JAKMIP3: variants seen among roughly 807,000 people sequenced by gnomAD.
JAKMIP3 encodes the protein janus kinase and microtubule-interacting protein 3.
A neutral mutation model predicts 118.5 loss-of-function variants in JAKMIP3; 58 were observed. The observed-to-expected ratio is 0.49, with a 90% CI of 0.40 to 0.61. JAKMIP3 has a LOEUF of 0.61. JAKMIP3 is among the 20% of genes least tolerant of loss of function. JAKMIP3 has a pLI of 0.00. For missense variants in JAKMIP3, 950 were observed against 1,109.0 expected (o/e 0.86, Z 2.04); for synonymous variants, 486 against 451.2 (o/e 1.08, Z -0.98).
chr10:132,092,106 C>A (rs2043169193), intron 1 of JAKMIP3, among the ~76,000 whole-genome samples: 1 of 152,184 alleles, frequency 6.6e-6, no homozygotes, highest in Non-Finnish European at 1.5e-5. Flanking sequence ...CCACTCTCTT[C>A]TGGCTTGTAG....
chr10:132,055,424 A>G (rs1412559438), intron 1 of JAKMIP3, among the ~76,000 whole-genome samples: 1 of 152,180 alleles, frequency 6.6e-6, no homozygotes, highest in Non-Finnish European at 1.5e-5. Context: ...AGAGCACATG[A>G]TTTGCGAATG....
Position 132,104,710 on chromosome 10 carries a change from C to T in JAKMIP3, c.-99C>T, listed in dbSNP as rs1428053982. The T allele has an allele frequency of 8.0e-7, 1 of 1,247,296 alleles. No homozygotes were observed. Among genetic ancestry groups the T allele is most frequent in the Admixed American group, 2.2e-5 (1 of 46,488 alleles). The allele number at this position is 1,247,296 out of a possible 1,614,324, so 77.3% of individuals were successfully genotyped here. The stretch of plus-strand genomic sequence containing the variant: ...TGTAGTGTGACAGCAGCCCGGGTGA[C>T]ACCTGCTGGGAGCTTGGCGTGGACA... On this transcript the variant is annotated 5_prime_UTR_variant, in exon 2 of 24. Transcript: ENST00000684848.
intron 1 of JAKMIP3, among the ~76,000 whole-genome samples, chr10:132,036,988 G>A (rs1295717790): frequency 6.6e-6 from 1 of 151,728 alleles, no homozygotes; most frequent in Non-Finnish European, 1.5e-5. Flanking sequence ...GCGCTGGCGT[G>A]ACGCGGCCGC....
chr10:132,066,526 A>G (rs1285247417), intron 1 of JAKMIP3, among the ~76,000 whole-genome samples: 1 of 152,178 alleles, frequency 6.6e-6, no homozygotes, highest in Non-Finnish European at 1.5e-5. Flanking sequence ...CCGTGGGGTA[A>G]CCGGCTGGAC....
At chr10:132,053,698 G>A (rs2038156408) in intron 1 of JAKMIP3, among the ~76,000 whole-genome samples, 1 of 152,140 alleles carries the variant, frequency 6.6e-6, no homozygotes, top group Non-Finnish European at 1.5e-5. Flanking sequence ...TCCATGGTTT[G>A]AAGAGGGTTT....
intron 1 of JAKMIP3, among the ~76,000 whole-genome samples, chr10:132,074,809 A>T (rs2040517263): frequency 6.6e-6 from 1 of 152,264 alleles, no homozygotes; most frequent in Non-Finnish European, 1.5e-5. Context: ...TATAGTTTTC[A>T]GTCTTACTTT....
At position 132,123,346 on chromosome 10, in the gene JAKMIP3, G is replaced by A. The variant is rs878963629; in HGVS notation, c.633+5772G>A. Among the ~76,000 whole-genome samples the A allele has an allele frequency of 7.2e-5, 11 of 152,314 alleles. 1 individual carries two copies. The highest frequency in any genetic ancestry group is 4.6e-4 in the Admixed American group (7 of 15,308). On this transcript the variant is annotated intron_variant, in intron 3 of 23. Coordinates refer to ENST00000684848, the MANE Select transcript of JAKMIP3 (RefSeq NM_001323087.2). ...CGTTTGCTAAAATACAAGTTCAGAC[G>A]TTGTTAAAGACTCTCTAAATCCAAA...
chr10:132,115,198 C>T (rs917523275), intron 2 of JAKMIP3, among the ~76,000 whole-genome samples: 3 of 96,996 alleles, frequency 3.1e-5, no homozygotes, highest in South Asian at 2.6e-4. Context: ...CAGGTCACCG[C>T]GATCGCGGCT....
At chr10:132,090,217 G>A (rs959712201) in intron 1 of JAKMIP3, among the ~76,000 whole-genome samples, 3 of 152,156 alleles carry the variant, frequency 2.0e-5, no homozygotes, top group Non-Finnish European at 4.4e-5. Context: ...GGATGATGCT[G>A]GCCTCATAAA....
At chr10:132,113,641 G>A (rs1347566805) in intron 2 of JAKMIP3, among the ~76,000 whole-genome samples, 1 of 152,232 alleles carries the variant, frequency 6.6e-6, no homozygotes, top group South Asian at 2.1e-4. Flanking sequence ...GCGGGGCTTT[G>A]TGGAGTTTTC....
chr10:132,135,053 G>A lies in JAKMIP3; in HGVS notation c.862G>A (p.Asp288Asn). 1.2e-6 allele frequency: 2 copies of A among 1,613,514 alleles called. No individual in the cohort carries two copies. The highest frequency in any genetic ancestry group is 1.7e-6 in the Non-Finnish European group (2 of 1,179,486). The change falls in exon 5 of 24, where the codon GAT becomes AAT. Residue 288 changes from aspartate to asparagine, a missense_variant. Asp to Asn is a conservative substitution (Grantham distance 23). Coordinates refer to ENST00000684848, the MANE Select transcript of JAKMIP3 (RefSeq NM_001323087.2). The part of the protein sequence containing the change: ...DHSGSPEQQL[D>N]EKDARRFQLK... The stretch of plus-strand genomic sequence containing the variant: ...ATTTTTGTTTTAGGAACAGCAGTTG[G>A]ATGAAAAAGATGCCCGGCGCTTCCA...
At chr10:132,178,315 C>A (rs1267933344) in intron 23 of JAKMIP3, among the ~76,000 whole-genome samples, 1 of 152,188 alleles carries the variant, frequency 6.6e-6, no homozygotes, top group Non-Finnish European at 1.5e-5. Flanking sequence ...CAGCACTGGT[C>A]CCCTCTGTAG....
rs1374821205 is a variant in JAKMIP3 at position 132,180,676 on chromosome 10, C to CGT, written c.*1104-1680_*1104-1679insTG. On this transcript the variant is annotated intron_variant, in intron 23 of 23. Coordinates refer to ENST00000684848, the MANE Select transcript of JAKMIP3 (RefSeq NM_001323087.2). Reference sequence around the variant, plus strand: ...GCGTGTGCGTGTGTGCGTGTGTGTGCGCGCGCGTGTGTGTGCGTGCGTGTG... The same window carrying CGT: ...GCGTGTGCGTGTGTGCGTGTGTGTGCGTGCGCGCGTGTGTGTGCGTGCGTGTG... Among the ~76,000 whole-genome samples, 23 of 4,576 alleles carry CGT rather than the reference C, an allele frequency of 5.0e-3. 2 individuals are homozygous for CGT. Among genetic ancestry groups the CGT allele is most frequent in the Admixed American group, 0.034 (11 of 326 alleles). The allele number at this position is 4,576 out of a possible 152,430, so 3.0% of individuals were successfully genotyped here.
At chr10:132,152,706 C>T (rs2056426784) in intron 16 of JAKMIP3, among the ~76,000 whole-genome samples, 2 of 152,198 alleles carry the variant, frequency 1.3e-5, no homozygotes, top group South Asian at 4.1e-4. Flanking sequence ...AGCTGGTTAC[C>T]TAGACCTGGT....
intron 3 of JAKMIP3, among the ~76,000 whole-genome samples, chr10:132,120,881 A>C (rs2048431697): frequency 1.3e-5 from 2 of 152,312 alleles, no homozygotes; most frequent in African/African-American, 4.8e-5. Flanking sequence ...TCTGGAGTTA[A>C]ATCTACGCGT....
chr10:132,168,477 C>A lies in JAKMIP3; in HGVS notation c.*547C>A. 9.2e-7 allele frequency: 1 copy of A among 1,082,534 alleles called. No individual in the cohort carries two copies. 67.1% of individuals were successfully genotyped at this position (1,082,534 alleles called of 1,614,324 possible). ...ATGGTCCTGGGAGGGCTCCCCGACG[C>A]CTCAGGGGCCCCTCCGATGCTGCAA... is the stretch of plus-strand genomic sequence containing the variant. On this transcript the variant is annotated 3_prime_UTR_variant, in exon 23 of 24. Coordinates refer to ENST00000684848, the MANE Select transcript of JAKMIP3 (RefSeq NM_001323087.2).
chr10:132,107,804 G>A (rs11146186), intron 2 of JAKMIP3, among the ~76,000 whole-genome samples: 7,639 of 152,304 alleles, frequency 0.05, 390 homozygotes, highest in East Asian at 0.2. Flanking sequence ...TTCGATTCTC[G>A]GCTGATACTG....
At chr10:132,163,762 C>T (rs1432251921) in intron 20 of JAKMIP3, among the ~76,000 whole-genome samples, 4 of 152,238 alleles carry the variant, frequency 2.6e-5, no homozygotes, top group Non-Finnish European at 4.4e-5. Context: ...GCCTAGTGTC[C>T]TGGGCGTGTT....
upstream of JAKMIP3, among the ~76,000 whole-genome samples, chr10:132,064,580 C>T (rs138885497): frequency 3.3e-5 from 5 of 152,316 alleles, no homozygotes; most frequent in East Asian, 9.7e-4. The surrounding 1 kb of genome is among the most constrained non-coding windows in gnomAD (Gnocchi z 4.4). Flanking sequence ...CCTCTTGGCG[C>T]TCCAGCCTCC....
Sources: allele counts gnomAD v4.1 joint callset (sites outside exome capture counted in the v4.1 genomes callset), GRCh38; gene constraint gnomAD v4.1.1; non-coding constraint Gnocchi (gnomAD v3.1); transcripts MANE v1.5; gene names NCBI Gene and HGNC (gene_info 2026-07-23, HGNC 2026-07-21).